Variants in TINAG observed in about 807,000 individuals in gnomAD.
The protein encoded by TINAG is tubulointerstitial nephritis antigen.
A neutral mutation model predicts 72.7 loss-of-function variants in TINAG; 83 were observed. That is an observed-to-expected ratio of 1.14 (90% CI 0.96 to 1.37). TINAG has a LOEUF of 1.37. TINAG is among the 40% of genes most tolerant of loss of function. TINAG has a pLI of 0.00. For synonymous variants in TINAG, 234 were observed against 189.9 expected (o/e 1.23, Z -1.91); for missense variants, 685 against 576.6 (o/e 1.19, Z -1.93).
chr6:54,335,083 G>A (rs1285437258), intron 4 of TINAG, among the ~76,000 whole-genome samples: 2 of 152,104 alleles, frequency 1.3e-5, no homozygotes, highest in African/African-American at 2.4e-5. Flanking sequence ...GCCACGGTGG[G>A]CCACACACTC....
intron 5 of TINAG, among the ~76,000 whole-genome samples, chr6:54,345,284 G>C (rs1169299706): frequency 6.6e-6 from 1 of 152,124 alleles, no homozygotes; most frequent in Non-Finnish European, 1.5e-5. Flanking sequence ...TTGAGATTCA[G>C]AAATGTCGGT....
At chr6:54,365,733 T>C (rs1763388625) in intron 9 of TINAG, among the ~76,000 whole-genome samples, 1 of 151,566 alleles carries the variant, frequency 6.6e-6, no homozygotes, top group Non-Finnish European at 1.5e-5. Context: ...TTGCATAAAT[T>C]TTAAAGGAAA....
chr6:54,327,206 A>G, intron 4 of TINAG: 1 of 1,527,018 alleles, frequency 6.5e-7, no homozygotes, highest in Non-Finnish European at 8.8e-7. Context: ...TCCCAGCGAG[A>G]CCAACGTAGA....
chr6:54,341,935 A>G (rs1785006126), intron 4 of TINAG, among the ~76,000 whole-genome samples: 1 of 152,164 alleles, frequency 6.6e-6, no homozygotes, highest in Non-Finnish European at 1.5e-5. Flanking sequence ...TCTCATTCAT[A>G]AAAAATAGCT....
At chr6:54,360,839 G>GTTTTTTTTTTTTTTTTTTTTTTT (rs773926586) in intron 9 of TINAG, among the ~76,000 whole-genome samples, 2 of 16,924 alleles carry the variant, frequency 1.2e-4, no homozygotes, top group East Asian at 2.3e-3. Flanking sequence ...CACAGATACT[G>GTTTTTTTTTTTTTTTTTTTTTTT]TGTTTTTTTT....
chr6:54,313,396 T>C (rs141327303), intron 1 of TINAG, among the ~76,000 whole-genome samples: 9 of 152,206 alleles, frequency 5.9e-5, no homozygotes, highest in Admixed American at 5.9e-4. Context: ...ATAGTACATA[T>C]TTACTTAACA....
chr6:54,345,343 C>T (rs9382326), intron 5 of TINAG, among the ~76,000 whole-genome samples: 29,215 of 151,982 alleles, frequency 0.19, 2,960 homozygotes, highest in African/African-American at 0.23. Context: ...ATTTATCCTT[C>T]AGTTGAAATC....
chr6:54,327,147 T>C (rs1784623718), intron 4 of TINAG: 7 of 1,548,058 alleles, frequency 4.5e-6, no homozygotes, highest in Non-Finnish European at 6.1e-6. Context: ...TTAGGAATGA[T>C]TGAATGGGCT....
At chr6:54,369,220 A>C (rs1177905106) in intron 9 of TINAG, among the ~76,000 whole-genome samples, 1 of 151,944 alleles carries the variant, frequency 6.6e-6, no homozygotes, top group Non-Finnish European at 1.5e-5. Flanking sequence ...ATATGCAGTA[A>C]TTCTCACACG....
At chr6:54,346,104 T>C (rs1028819335) in intron 5 of TINAG, among the ~76,000 whole-genome samples, 1 of 152,064 alleles carries the variant, frequency 6.6e-6, no homozygotes, top group Non-Finnish European at 1.5e-5. Context: ...AAGTCTGTAC[T>C]AAAATGGTAC....
Position 54,369,055 on chromosome 6 carries a change from G to A in TINAG, c.1251-11471G>A, listed in dbSNP as rs542281606. Among the ~76,000 whole-genome samples, 57 of 151,754 alleles carry A rather than the reference G, an allele frequency of 3.8e-4. No individual in the cohort carries two copies. In the South Asian group the frequency reaches 0.011, roughly 29 times the overall value. ...CGTAGATATTTGACAGTTTTGAATC[G>A]AACATTCCTGGTTTTTATGACTTGC... On this transcript the variant is annotated intron_variant, in intron 9 of 10. Coordinates refer to ENST00000259782, the MANE Select transcript of TINAG (RefSeq NM_014464.4).
rs563860288 is a variant in TINAG at position 54,350,743 on chromosome 6, T to C, written c.1081-609T>C. 1.3e-4 allele frequency among the ~76,000 whole-genome samples: 20 copies of C among 150,980 alleles called. No individual in the cohort carries two copies. The East Asian group carries it at 3.7e-3, about 28-fold the overall frequency. On this transcript the variant is annotated intron_variant, in intron 7 of 10. Coordinates refer to ENST00000259782, the MANE Select transcript of TINAG (RefSeq NM_014464.4). ...GATTTCCAGGCAGAATTAATTTTCC[T>C]TTTTTGTTTGCAAACGTAACACTTT...
chr6:54,323,067 C>G (rs1266879263), intron 3 of TINAG, among the ~76,000 whole-genome samples: 1 of 152,212 alleles, frequency 6.6e-6, no homozygotes, highest in Non-Finnish European at 1.5e-5. Flanking sequence ...TCCACCATTA[C>G]TTTTGCACCA....
At chr6:54,388,043 A>T (rs1764148452) in intron 10 of TINAG, among the ~76,000 whole-genome samples, 1 of 152,132 alleles carries the variant, frequency 6.6e-6, no homozygotes, top group Non-Finnish European at 1.5e-5. Context: ...ATTTACCAAG[A>T]ATGTAATTAT....
At chr6:54,350,131 G>A (rs540610989) in intron 7 of TINAG, among the ~76,000 whole-genome samples, 7 of 152,052 alleles carry the variant, frequency 4.6e-5, no homozygotes, top group Admixed American at 4.6e-4. Context: ...CAAGGAAATA[G>A]GGTTTTAAAA....
intron 9 of TINAG, among the ~76,000 whole-genome samples, chr6:54,358,173 T>C (rs1199638645): frequency 3.3e-5 from 5 of 151,870 alleles, no homozygotes; most frequent in Admixed American, 3.3e-4. Flanking sequence ...CTTCTTAATA[T>C]GTCCTCCCTG....
intron 1 of TINAG, among the ~76,000 whole-genome samples, chr6:54,310,110 T>C (rs1784206554): frequency 6.6e-6 from 1 of 150,588 alleles, no homozygotes; most frequent in South Asian, 2.1e-4. Flanking sequence ...TGTGTGTGAG[T>C]CTTGCTCTGT....
chr6:54,338,507 G>C (rs1194412334), intron 4 of TINAG, among the ~76,000 whole-genome samples: 2 of 151,906 alleles, frequency 1.3e-5, no homozygotes, highest in Non-Finnish European at 2.9e-5. Context: ...GGATCACAAG[G>C]TCAGGAGATC....
intron 9 of TINAG, among the ~76,000 whole-genome samples, chr6:54,379,798 T>G (rs909578088): frequency 5.3e-5 from 8 of 152,118 alleles, no homozygotes; most frequent in Non-Finnish European, 8.8e-5. Context: ...TTTAATATTA[T>G]ACTTCAAGTA....
Sources: gnomAD v4.1 joint callset for allele counts (sites outside exome capture counted in the v4.1 genomes callset) on GRCh38, gnomAD v4.1.1 for gene constraint, MANE v1.5 for transcripts, NCBI Gene and HGNC (gene_info 2026-07-23, HGNC 2026-07-21) for gene names.